The following PDE1C variants were observed in gnomAD, a reference collection of about 807,000 sequenced individuals.
PDE1C encodes phosphodiesterase 1C.
PDE1C carries 62 observed loss-of-function variants against 93.1 expected under a neutral mutation model. The ratio of observed to expected loss-of-function variants is 0.67; its 90% CI spans 0.54 to 0.82. The LOEUF (loss-of-function observed/expected upper bound fraction) is 0.82. PDE1C is among the 40% of genes least tolerant of loss of function. The probability of loss-of-function intolerance (pLI) is 0.00; values close to 1 mark genes in which losing one functional copy is unlikely to be tolerated. For missense variants in PDE1C, 742 were observed against 884.6 expected (o/e 0.84, Z 2.04); for synonymous variants, 325 against 310.1 (o/e 1.05, Z -0.50).
At chr7:32,229,619 A>G (rs1807543117) in intron 1 of PDE1C, among the ~76,000 whole-genome samples, 1 of 152,240 alleles carries the variant, frequency 6.6e-6, no homozygotes, top group South Asian at 2.1e-4. Context: ...ATAGAATCAC[A>G]GGCATCTAGA....
At chr7:32,217,031 G>A (rs150930853) in intron 1 of PDE1C, among the ~76,000 whole-genome samples, 19 of 152,364 alleles carry the variant, frequency 1.2e-4, no homozygotes, top group African/African-American at 4.6e-4. Context: ...CTTTGTTGAG[G>A]TGGGCAAAGA....
chr7:32,400,843 C>A (rs527239192), intron 1 of PDE1C, among the ~76,000 whole-genome samples: 33 of 152,250 alleles, frequency 2.2e-4, no homozygotes, highest in Non-Finnish European at 3.2e-4. Flanking sequence ...CCTTCCTTAT[C>A]CCCGACATAG....
At chr7:31,999,645 GAT>G (rs1785204980) in intron 2 of PDE1C, among the ~76,000 whole-genome samples, 1 of 152,098 alleles carries the variant, frequency 6.6e-6, no homozygotes, top group Non-Finnish European at 1.5e-5. Context: ...ACTCTACATG[GAT>G]ATAAAAACAC....
intron 2 of PDE1C, among the ~76,000 whole-genome samples, chr7:31,919,190 C>T (rs558886163): frequency 3.3e-5 from 5 of 152,232 alleles, no homozygotes; most frequent in South Asian, 2.1e-4. Context: ...CCCAAGAACT[C>T]GGACTAGACA....
At chr7:31,886,388 A>G (rs1421943600) in intron 2 of PDE1C, among the ~76,000 whole-genome samples, 5 of 152,182 alleles carry the variant, frequency 3.3e-5, no homozygotes, top group Admixed American at 3.3e-4. Context: ...TTTTCTGGCC[A>G]TTGTTTGTTT....
At chr7:32,373,071 C>T (rs926881938) in intron 1 of PDE1C, among the ~76,000 whole-genome samples, 19 of 152,158 alleles carry the variant, frequency 1.2e-4, no homozygotes, top group African/African-American at 4.6e-4. Context: ...AAAGATTAAT[C>T]ATGAAATTAC....
chr7:31,898,847 T>C (rs1358539191), intron 2 of PDE1C, among the ~76,000 whole-genome samples: 1 of 152,238 alleles, frequency 6.6e-6, no homozygotes, highest in Non-Finnish European at 1.5e-5. Flanking sequence ...TTTTGTCTCA[T>C]TTTTGTAATC....
At chr7:31,716,844 G>C in the PDE1C span, among the ~76,000 whole-genome samples, 2 of 152,174 alleles carry the variant, frequency 1.3e-5, no homozygotes, top group East Asian at 3.8e-4. Context: ...ATGGCCACCT[G>C]TGGGCATGTT....
intron 2 of PDE1C, among the ~76,000 whole-genome samples, chr7:31,885,224 T>C (rs1797725840): frequency 6.6e-6 from 1 of 152,162 alleles, no homozygotes; most frequent in African/African-American, 2.4e-5. Context: ...TAGGAAAATA[T>C]ACAAATAATA....
chr7:32,220,900 G>T (rs1451133265), intron 1 of PDE1C, among the ~76,000 whole-genome samples: 1 of 152,100 alleles, frequency 6.6e-6, no homozygotes, highest in East Asian at 1.9e-4. Context: ...CAAACAAGTG[G>T]GCCTCCAGCT....
In PDE1C at chr7:31,756,539, G is replaced by T. The variant is rs576986425; in HGVS notation, c.1961-2986C>A. ...GGATGGGACCCTGGGACAGAAAAAT[G>T]ACACTGGGTAACAAGTAGGGAAATT... is the stretch of plus-strand genomic sequence containing the variant. On this transcript the variant is annotated intron_variant, in intron 17 of 17. Coordinates refer to ENST00000396191, the MANE Select transcript of PDE1C (RefSeq NM_001191057.4). Among the ~76,000 whole-genome samples, 7 of 152,254 alleles carry T rather than the reference G, an allele frequency of 4.6e-5. No homozygotes were observed. In the South Asian group the frequency reaches 1.0e-3, roughly 23 times the overall value.
At chr7:32,221,815 T>C (rs1355588209) in intron 1 of PDE1C, among the ~76,000 whole-genome samples, 1 of 152,190 alleles carries the variant, frequency 6.6e-6, no homozygotes, top group Non-Finnish European at 1.5e-5. Flanking sequence ...ACTGTGTAAG[T>C]GTGAGAAGGC....
chr7:31,880,233 C>A (rs1019986903), intron 3 of PDE1C, among the ~76,000 whole-genome samples: 1 of 152,046 alleles, frequency 6.6e-6, no homozygotes, highest in African/African-American at 2.4e-5. Context: ...TAACTGAAAC[C>A]GCTTTAATAC....
rs79316450 is a variant in PDE1C at position 31,898,688 on chromosome 7, T to G, written c.129-17828A>C. Among the ~76,000 whole-genome samples, 1,232 of 152,342 alleles carry G rather than the reference T, an allele frequency of 8.1e-3. 19 individuals are homozygous for G. Among genetic ancestry groups the G allele is most frequent in the African/African-American group, 0.027 (1,127 of 41,568 alleles). On this transcript the variant is annotated intron_variant, in intron 2 of 17. Transcript: ENST00000396191. Reference sequence around the variant, plus strand: ...TTAAAGGAGAGAAATATTTCTAAATTTGTTGATGCTTATTGCTAAGCATCT... The same window carrying G: ...TTAAAGGAGAGAAATATTTCTAAATGTGTTGATGCTTATTGCTAAGCATCT...
chr7:32,425,754 C>A (rs1267055027), intron 1 of PDE1C, among the ~76,000 whole-genome samples: 1 of 152,080 alleles, frequency 6.6e-6, no homozygotes, highest in African/African-American at 2.4e-5. Flanking sequence ...CCAGACTGGG[C>A]AACTGGAGAA....
chr7:31,654,704 G>C, the PDE1C span, among the ~76,000 whole-genome samples: 1 of 152,166 alleles, frequency 6.6e-6, no homozygotes, highest in Non-Finnish European at 1.5e-5. Context: ...CTAAGGAATG[G>C]GGAATAGATG....
intron 1 of PDE1C, among the ~76,000 whole-genome samples, chr7:32,245,570 C>T (rs1808865592): frequency 6.6e-6 from 1 of 152,196 alleles, no homozygotes; most frequent in Non-Finnish European, 1.5e-5. Flanking sequence ...ACAAGCCAAT[C>T]ACAGCTTATT....
At chr7:31,800,175 A>T (rs1242926422) in intron 16 of PDE1C, among the ~76,000 whole-genome samples, 3 of 151,578 alleles carry the variant, frequency 2.0e-5, no homozygotes, top group Admixed American at 2.0e-4. Context: ...CAGTTATTTA[A>T]CAAATATATG....
intron 2 of PDE1C, among the ~76,000 whole-genome samples, chr7:31,934,965 T>G (rs920222423): frequency 2.6e-5 from 4 of 152,234 alleles, no homozygotes; most frequent in Admixed American, 2.6e-4. Flanking sequence ...AATTTCATTT[T>G]AAAACTACAG....
Sources: gnomAD v4.1 joint callset for allele counts (sites outside exome capture counted in the v4.1 genomes callset) on GRCh38, gnomAD v4.1.1 for gene constraint, MANE v1.5 for transcripts, NCBI Gene and HGNC (gene_info 2026-07-23, HGNC 2026-07-21) for gene names.